Variants in PCDHGA4 observed in about 807,000 individuals in gnomAD.
The protein encoded by PCDHGA4 is protocadherin gamma-A4.
PCDHGA4 carries 38 observed loss-of-function variants against 54.6 expected under a neutral mutation model. The observed-to-expected ratio is 0.70, with a 90% CI of 0.54 to 0.91. The LOEUF (loss-of-function observed/expected upper bound fraction) is 0.91. Ranked by LOEUF, PCDHGA4 falls within the 40% of genes least tolerant of loss-of-function variation. The pLI, the probability that PCDHGA4 is intolerant of heterozygous loss-of-function variation, is 0.00. For synonymous variants in PCDHGA4, 511 were observed against 512.9 expected (o/e 1.00, Z 0.05); for missense variants, 1,298 against 1,220.9 (o/e 1.06, Z -0.94).
At chr5:141,393,316 A>T (rs2092726404) in intron 1 of PCDHGA4, 2 of 1,612,964 alleles carry the variant, frequency 1.2e-6, no homozygotes, top group Non-Finnish European at 1.7e-6. Flanking sequence ...AACTCCCTCC[A>T]GAGCTACCAG....
chr5:141,447,298 C>T lies in PCDHGA4; in HGVS notation c.2515-47509C>T, dbSNP rs187482431. 1.7e-3 allele frequency among the ~76,000 whole-genome samples: 260 copies of T among 152,214 alleles called. 2 individuals carry two copies. Among genetic ancestry groups the T allele is most frequent in the African/African-American group, 5.8e-3 (239 of 41,534 alleles). ...GGGACTACAGGCACATGCCACCACA[C>T]CCGGCTAATTTTTGTATTTTTAGTA... On this transcript the variant is annotated intron_variant, in intron 1 of 3. Coordinates refer to ENST00000571252, the MANE Select transcript of PCDHGA4 (RefSeq NM_018917.4).
intron 1 of PCDHGA4, chr5:141,383,948 C>G (rs199642192): frequency 2.1e-4 from 340 of 1,613,480 alleles, no homozygotes; most frequent in Non-Finnish European, 2.5e-4. Context: ...GTGACTATGA[C>G]GTCTTTAAGT....
intron 1 of PCDHGA4, chr5:141,399,237 AGATTCTG>A: frequency 6.2e-7 from 1 of 1,614,002 alleles, no homozygotes; most frequent in South Asian, 1.1e-5. Context: ...TACATGACCA[AGATTCTG>A]GGGAAAATGG....
Position 141,410,070 on chromosome 5 carries a change from C to A in PCDHGA4, c.2514+52449C>A, listed in dbSNP as rs1368179504. On this transcript the variant is annotated intron_variant, in intron 1 of 3. Transcript: ENST00000571252. ...GGACTCTTCAGCCTGGGGCTGCGCA[C>A]TGGGGAGGTGCGCACGGCTCGAGCC... 6.2e-7 allele frequency: 1 copy of A among 1,612,806 alleles called. No homozygotes were observed. The highest frequency in any genetic ancestry group is 1.3e-5 in the African/African-American group (1 of 74,938).
At chr5:141,404,320 C>T (rs577477279) in intron 1 of PCDHGA4, 8 of 1,613,920 alleles carry the variant, frequency 5.0e-6, no homozygotes, top group Admixed American at 1.7e-5. Flanking sequence ...CTCAAGCCTC[C>T]TACTCAGTCT....
At chr5:141,375,298 G>A in intron 1 of PCDHGA4, 3 of 1,613,794 alleles carry the variant, frequency 1.9e-6, no homozygotes, top group Non-Finnish European at 1.7e-6. Flanking sequence ...ATCGATTAGT[G>A]ACAAATGCAG....
In PCDHGA4 at chr5:141,490,951, T is replaced by C. The variant is rs778168052; in HGVS notation, c.2515-3856T>C. 20 of 1,613,640 alleles carry C rather than the reference T, an allele frequency of 1.2e-5. No homozygotes were observed. Among genetic ancestry groups the C allele is most frequent in the Middle Eastern group, 1.6e-4 (1 of 6,084 alleles). On this transcript the variant is annotated intron_variant, in intron 1 of 3. Coordinates refer to ENST00000571252, the MANE Select transcript of PCDHGA4 (RefSeq NM_018917.4). This position sits in a 1 kb window ranked among gnomAD's most constrained non-coding sequence, Gnocchi z 5.4. The stretch of plus-strand genomic sequence containing the variant: ...AGCTGTGCTGCACCCACGGCCAGAC[T>C]GGGAACACTCAGCCCCCCAGCGTCT...
At chr5:141,449,282 G>A (rs1285842278) in intron 1 of PCDHGA4, among the ~76,000 whole-genome samples, 17 of 152,002 alleles carry the variant, frequency 1.1e-4, no homozygotes, top group Admixed American at 4.6e-4. Context: ...CCTTCACCCG[G>A]ATGCACCGGG....
rs1269856662 is a variant in PCDHGA4, at chr5:141,375,833, C to A, written c.2514+18212C>A. On this transcript the variant is annotated intron_variant, in intron 1 of 3. Coordinates refer to ENST00000571252, the MANE Select transcript of PCDHGA4 (RefSeq NM_018917.4). The stretch of plus-strand genomic sequence containing the variant: ...GGAGCTGGCGCCCCGCTCCGCAGAG[C>A]CCGGCTACCTGGTGACCAAGGTGGT... 6.2e-7 allele frequency: 1 copy of A among 1,614,034 alleles called. No homozygotes were observed. Among genetic ancestry groups the A allele is most frequent in the Non-Finnish European group, 8.5e-7 (1 of 1,180,048 alleles).
At chr5:141,421,469 G>A in intron 1 of PCDHGA4, 1 of 1,614,122 alleles carries the variant, frequency 6.2e-7, no homozygotes, top group Non-Finnish European at 8.5e-7. Flanking sequence ...GTGAATCCGC[G>A]AAGCGGCAGC....
chr5:141,479,521 T>A (rs4912607), intron 1 of PCDHGA4: 2 of 152,104 alleles, frequency 1.3e-5, no homozygotes, highest in Non-Finnish European at 2.9e-5. Context: ...CTGGCCCAGG[T>A]TGGAAGTGGA....
At chr5:141,374,085 TG>T (rs1282444417) in intron 1 of PCDHGA4, 2 of 1,528,732 alleles carry the variant, frequency 1.3e-6, no homozygotes, top group Non-Finnish European at 1.8e-6. Flanking sequence ...AAGCCAGTAA[TG>T]GCGCCTCCGC....
rs1236959966 is a variant in PCDHGA4, at chr5:141,511,984, G to C, written c.*811G>C. On this transcript the variant is annotated 3_prime_UTR_variant, in exon 4 of 4. Transcript: ENST00000571252. ...GGGAAGTGTGTGGATGTGGATGGTGGGGGCATGGACAAAGCTTGACACATC... is the reference window on the plus strand; with the variant it reads ...GGGAAGTGTGTGGATGTGGATGGTGCGGGCATGGACAAAGCTTGACACATC... 1 of 153,294 alleles carries C rather than the reference G, an allele frequency of 6.5e-6. No individual in the cohort carries two copies. Among genetic ancestry groups the C allele is most frequent in the African/African-American group, 2.4e-5 (1 of 41,452 alleles). 9.5% of individuals were successfully genotyped at this position (153,294 alleles called of 1,614,324 possible). A position where few individuals can be genotyped will look rare whatever the true frequency, so the allele number is the denominator to read the frequency against.
At chr5:141,494,972 C>T (rs1005793988) in intron 2 of PCDHGA4, 107 bp downstream of exon 2, 69 of 1,581,734 alleles carry the variant, frequency 4.4e-5, no homozygotes, top group Non-Finnish European at 5.9e-5. Context: ...TGGCTTCTCC[C>T]TCAGTTTGAG....
chr5:141,483,620 A>G (rs192148102), intron 1 of PCDHGA4, among the ~76,000 whole-genome samples: 472 of 151,650 alleles, frequency 3.1e-3, no homozygotes, highest in Non-Finnish European at 5.0e-3. Context: ...CATCATTCCC[A>G]TGGGAGAAGG....
intron 1 of PCDHGA4, chr5:141,414,197 T>C: frequency 3.1e-6 from 5 of 1,611,210 alleles, no homozygotes; most frequent in Non-Finnish European, 4.2e-6. Flanking sequence ...TTGATTACAG[T>C]AGAAGATGTA....
At chr5:141,374,174 A>T in intron 1 of PCDHGA4, 1 of 1,613,482 alleles carries the variant, frequency 6.2e-7, no homozygotes, top group South Asian at 1.1e-5. Flanking sequence ...GGCAGCGCAG[A>T]TCCGCTACTC....
chr5:141,474,135 G>C (rs1032470573), intron 1 of PCDHGA4, among the ~76,000 whole-genome samples: 2 of 152,062 alleles, frequency 1.3e-5, no homozygotes, highest in Admixed American at 1.3e-4. Context: ...GAAAACTACA[G>C]GCCTTATTAT....
In PCDHGA4 at chr5:141,491,129, C is replaced by T; in HGVS notation, c.2515-3678C>T. On this transcript the variant is annotated intron_variant, in intron 1 of 3. Transcript: ENST00000571252. This position sits in a 1 kb window ranked among gnomAD's most constrained non-coding sequence, Gnocchi z 6.9. Reference sequence around the variant, plus strand: ...TCTACACACACTGGTGAGGTGCGCACAGCCCGGGCCTTACTGGAGGATGAC... The same window carrying T: ...TCTACACACACTGGTGAGGTGCGCATAGCCCGGGCCTTACTGGAGGATGAC... 1.2e-6 allele frequency: 2 copies of T among 1,614,172 alleles called. No individual in the cohort carries two copies. The highest frequency in any genetic ancestry group is 1.7e-6 in the Non-Finnish European group (2 of 1,180,012).
Sources: allele counts gnomAD v4.1 joint callset (sites outside exome capture counted in the v4.1 genomes callset), GRCh38; gene constraint gnomAD v4.1.1; non-coding constraint Gnocchi (gnomAD v3.1); transcripts MANE v1.5; gene names NCBI Gene and HGNC (gene_info 2026-07-23, HGNC 2026-07-21).